The following PNLIPRP3 variants were observed in gnomAD, a reference collection of about 807,000 sequenced individuals.
The protein encoded by PNLIPRP3 is pancreatic lipase-related protein 3.
A neutral mutation model predicts 52.8 loss-of-function variants in PNLIPRP3; 58 were observed. That is an observed-to-expected ratio of 1.10 (90% CI 0.89 to 1.37). The LOEUF (loss-of-function observed/expected upper bound fraction) is 1.37, where lower values mean the gene tolerates loss of function less well. Ranked by LOEUF, PNLIPRP3 falls within the 40% of genes most tolerant of loss-of-function variation. The pLI, the probability that PNLIPRP3 is intolerant of heterozygous loss-of-function variation, is 0.00. For synonymous variants in PNLIPRP3, 192 were observed against 185.0 expected, an observed-to-expected ratio of 1.04 and a Z score of -0.31; for missense variants, 593 against 561.6, an observed-to-expected ratio of 1.06 and a Z score of -0.57.
At chr10:116,477,060 T>C in intron 11 of PNLIPRP3, 30 bp from the exon 12 acceptor site, 1 of 1,531,030 alleles carries the variant, frequency 6.5e-7, no homozygotes, top group Non-Finnish European at 8.9e-7. Context: ...CAGGTTAAAA[T>C]TCCTTTTTTT....
chr10:116,434,765 G>T (rs1845752600), intron 1 of PNLIPRP3, among the ~76,000 whole-genome samples: 1 of 152,140 alleles, frequency 6.6e-6, no homozygotes, highest in African/African-American at 2.4e-5. Context: ...GAAAACAGAA[G>T]GCTGTTTTAG....
intron 9 of PNLIPRP3, among the ~76,000 whole-genome samples, chr10:116,469,590 A>C (rs564708497): frequency 6.6e-6 from 1 of 152,344 alleles, no homozygotes; most frequent in East Asian, 1.9e-4. Flanking sequence ...CGAGGAAAAG[A>C]GATTTCTAAG....
At chr10:116,449,258 G>C (rs988497568) in intron 4 of PNLIPRP3, among the ~76,000 whole-genome samples, 7 of 149,964 alleles carry the variant, frequency 4.7e-5, no homozygotes, top group Non-Finnish European at 1.5e-5. Flanking sequence ...TACTTTAAAT[G>C]TAAATGTATT....
chr10:116,468,242 A>G lies in PNLIPRP3; in HGVS notation c.928-943A>G, dbSNP rs1437225216. On this transcript the variant is annotated intron_variant, in intron 8 of 11. Coordinates refer to ENST00000369230, the MANE Select transcript of PNLIPRP3 (RefSeq NM_001011709.3). ...GGCATACAACAGAAGTGAAATTATC[A>G]AAGCATACATGCATTTCCTTCTTTA... Among the ~76,000 whole-genome samples the G allele has an allele frequency of 2.0e-5, 3 of 152,138 alleles. No individual in the cohort carries two copies. The East Asian group carries it at 5.8e-4, about 29-fold the overall frequency.
intron 2 of PNLIPRP3, chr10:116,439,657 C>T (rs1469230411): frequency 3.9e-6 from 3 of 763,692 alleles, no homozygotes; most frequent in Non-Finnish European, 2.4e-6. Context: ...TAAGTTATTC[C>T]ACATCTCACC....
chr10:116,453,011 T>C (rs534029646), intron 4 of PNLIPRP3, among the ~76,000 whole-genome samples: 29 of 152,312 alleles, frequency 1.9e-4, no homozygotes, highest in African/African-American at 6.7e-4. Context: ...TCCATGATTA[T>C]AAAAACTGGC....
At chr10:116,439,490 G>A (rs183010677) in intron 2 of PNLIPRP3, 52 of 726,372 alleles carry the variant, frequency 7.2e-5, no homozygotes, top group East Asian at 2.3e-4. Context: ...CTTCCTCCCC[G>A]TCTTCTTCAT....
At chr10:116,436,475 G>T (rs933595886) in intron 1 of PNLIPRP3, among the ~76,000 whole-genome samples, 4 of 151,998 alleles carry the variant, frequency 2.6e-5, no homozygotes, top group African/African-American at 9.7e-5. Flanking sequence ...CACAGGCAAC[G>T]AAATAAAATA....
intron 10 of PNLIPRP3, among the ~76,000 whole-genome samples, chr10:116,474,790 C>A (rs571105727): frequency 2.6e-5 from 4 of 152,064 alleles, no homozygotes; most frequent in Non-Finnish European, 2.9e-5. Context: ...TATTAAAAGT[C>A]AAAAAATAAC....
chr10:116,452,605 C>G (rs1298688955), intron 4 of PNLIPRP3, among the ~76,000 whole-genome samples: 1 of 152,160 alleles, frequency 6.6e-6, no homozygotes, highest in Non-Finnish European at 1.5e-5. Context: ...CCCTGCTCAG[C>G]CTTCAGGACA....
intron 10 of PNLIPRP3, among the ~76,000 whole-genome samples, chr10:116,474,073 T>C (rs1437323955): frequency 2.0e-5 from 3 of 151,374 alleles, no homozygotes; most frequent in Non-Finnish European, 4.4e-5. Context: ...CAAAACAGCA[T>C]GGTACTGCTA....
chr10:116,477,537 T>C lies in PNLIPRP3; in HGVS notation c.*384T>C, dbSNP rs1436326160. On this transcript the variant is annotated 3_prime_UTR_variant, in exon 12 of 12. Coordinates refer to ENST00000369230, the MANE Select transcript of PNLIPRP3 (RefSeq NM_001011709.3). ...AGTATATTTTCAGGTATAATAATCATTGTTCTAAAATTATATAAAACTATT... is the reference window on the plus strand; with the variant it reads ...AGTATATTTTCAGGTATAATAATCACTGTTCTAAAATTATATAAAACTATT... 6.3e-6 allele frequency: 1 copy of C among 158,626 alleles called. No homozygotes were observed. Among genetic ancestry groups the C allele is most frequent in the East Asian group, 1.9e-4 (1 of 5,328 alleles). The allele number at this position is 158,626 out of a possible 1,614,324, so 9.8% of individuals were successfully genotyped here.
At chr10:116,445,476 C>CT (rs565557327) in intron 4 of PNLIPRP3, among the ~76,000 whole-genome samples, 46 of 152,026 alleles carry the variant, frequency 3.0e-4, no homozygotes, top group African/African-American at 1.1e-3. Flanking sequence ...TCTTTCCACT[C>CT]TATCAGGGAA....
intron 4 of PNLIPRP3, among the ~76,000 whole-genome samples, chr10:116,452,323 G>A (rs1327809756): frequency 6.6e-6 from 1 of 152,216 alleles, no homozygotes; most frequent in Non-Finnish European, 1.5e-5. Context: ...TCAAAGGGAA[G>A]CAAAACATTG....
intron 4 of PNLIPRP3, among the ~76,000 whole-genome samples, chr10:116,449,162 G>A (rs1192887380): frequency 6.6e-6 from 1 of 152,114 alleles, no homozygotes; most frequent in Non-Finnish European, 1.5e-5. Context: ...TCTTGCCACT[G>A]CACTCCAGCC....
chr10:116,444,754 C>A (rs1845919423), intron 4 of PNLIPRP3, among the ~76,000 whole-genome samples: 1 of 152,172 alleles, frequency 6.6e-6, no homozygotes. Flanking sequence ...AAAAACTGCC[C>A]CCGCAAGGTC....
intron 4 of PNLIPRP3, among the ~76,000 whole-genome samples, chr10:116,452,425 T>C (rs6585398): frequency 0.89 from 134,817 of 152,304 alleles, 60,671 homozygotes; most frequent in Non-Finnish European, 0.97. Flanking sequence ...GGAGCAACCA[T>C]TTGCTAGAGA....
intron 1 of PNLIPRP3, among the ~76,000 whole-genome samples, chr10:116,431,387 C>T (rs924307889): frequency 6.6e-6 from 1 of 152,122 alleles, no homozygotes; most frequent in African/African-American, 2.4e-5. Flanking sequence ...CTAGCATTAA[C>T]CCCTGCTCCT....
Position 116,443,148 on chromosome 10 carries a change from G to C in PNLIPRP3, c.298G>C (p.Gly100Arg). The C allele has an allele frequency of 6.2e-7, 1 of 1,610,578 alleles. No homozygotes were observed. Among genetic ancestry groups the C allele is most frequent in the Non-Finnish European group, 8.5e-7 (1 of 1,177,952 alleles). The change falls in exon 3 of 12, where the codon GGC becomes CGC. Residue 100 changes from glycine (G) to arginine (R), a missense_variant. Physicochemically the swap from Gly to Arg is moderately radical, Grantham distance 125. Coordinates refer to ENST00000369230, the MANE Select transcript of PNLIPRP3 (RefSeq NM_001011709.3). ...CAACATAGCTGGATGGAAAACAGAT[G>C]GCAAATGGCAGAGAGACATGTGCAA... ...RINIAGWKTD[G>R]KWQRDMCNVL... is the part of the protein sequence containing the mutation.
Sources: gnomAD v4.1 joint callset for allele counts (sites outside exome capture counted in the v4.1 genomes callset) on GRCh38, gnomAD v4.1.1 for gene constraint, MANE v1.5 for transcripts, NCBI Gene and HGNC (gene_info 2026-07-23, HGNC 2026-07-21) for gene names.